Variants in CDC27 observed in about 807,000 individuals in gnomAD.
CDC27 encodes cell division cycle protein 27 homolog.
Under a neutral mutation model 109.7 loss-of-function variants are expected in CDC27, and 27 were observed. The ratio of observed to expected loss-of-function variants is 0.25; its 90% CI spans 0.18 to 0.34. The LOEUF (loss-of-function observed/expected upper bound fraction) is 0.34. Ranked by LOEUF, CDC27 falls within the 10% of genes least tolerant of loss-of-function variation. The probability of loss-of-function intolerance (pLI) is 1.00; values close to 1 mark genes in which losing one functional copy is unlikely to be tolerated. For missense variants in CDC27, 579 were observed against 960.2 expected (o/e 0.60, Z 5.25); for synonymous variants, 266 against 333.9 (o/e 0.80, Z 2.22).
At position 47,121,018 on chromosome 17, in the gene CDC27, C is replaced by G; in HGVS notation, c.2393-1G>C. On this transcript the variant is annotated splice_acceptor_variant, in intron 18 of 18. Coordinates refer to ENST00000066544, the MANE Select transcript of CDC27 (RefSeq NM_001256.6). LOFTEE classifies it high-confidence loss of function. ...CTCTCCTGGGATTCATCTGTTCCCA[C>G]TTTAAAAATAAAACAGAAGTCCACA... 6.2e-7 allele frequency: 1 copy of G among 1,605,148 alleles called. No homozygotes were observed. The highest frequency in any genetic ancestry group is 8.5e-7 in the Non-Finnish European group (1 of 1,173,372).
intron 18 of CDC27, among the ~76,000 whole-genome samples, chr17:47,121,356 T>C (rs1218246723): frequency 6.6e-6 from 1 of 151,754 alleles, no homozygotes; most frequent in Non-Finnish European, 1.5e-5. Context: ...AATCACTGAC[T>C]CCACTTTAAG....
intron 7 of CDC27, among the ~76,000 whole-genome samples, chr17:47,155,250 G>A (rs1030965649): frequency 1.3e-5 from 2 of 152,124 alleles, no homozygotes; most frequent in South Asian, 2.1e-4. Flanking sequence ...TAGCATATAT[G>A]TATATATTTT....
intron 16 of CDC27, among the ~76,000 whole-genome samples, chr17:47,127,766 G>A (rs888566315): frequency 1.4e-4 from 21 of 151,608 alleles, no homozygotes; most frequent in Admixed American, 7.9e-4. Flanking sequence ...GCAGTGGCGC[G>A]AAAACAGCTC....
At chr17:47,165,052 G>C (rs1001010922) in intron 4 of CDC27, among the ~76,000 whole-genome samples, 1 of 152,078 alleles carries the variant, frequency 6.6e-6, no homozygotes, top group Non-Finnish European at 1.5e-5. Context: ...AATTCTGTCA[G>C]ATTAATGTTA....
intron 16 of CDC27, among the ~76,000 whole-genome samples, chr17:47,127,793 C>T (rs1024062691): frequency 3.3e-5 from 5 of 151,960 alleles, no homozygotes; most frequent in Non-Finnish European, 7.4e-5. Flanking sequence ...ACCTCCGCCT[C>T]CTGAGCTCAA....
intron 10 of CDC27, among the ~76,000 whole-genome samples, 158 bp downstream of exon 10, chr17:47,143,725 T>C (rs1483226691): frequency 6.6e-6 from 1 of 152,170 alleles, no homozygotes; most frequent in Non-Finnish European, 1.5e-5. Context: ...AAAGGACTAA[T>C]TAACTTCACA....
intron 4 of CDC27, among the ~76,000 whole-genome samples, chr17:47,164,265 T>C (rs1009811865): frequency 6.6e-6 from 1 of 152,260 alleles, no homozygotes. Flanking sequence ...ATGCACTTTA[T>C]GATGTTCACA....
intron 16 of CDC27, among the ~76,000 whole-genome samples, chr17:47,125,496 T>C (rs1293750385): frequency 1.3e-5 from 2 of 151,848 alleles, no homozygotes; most frequent in African/African-American, 4.8e-5. Flanking sequence ...TCCTCTCACC[T>C]TGGCCTCCCA....
At position 47,151,720 on chromosome 17, in the gene CDC27, C is replaced by T. The variant is rs148566591; in HGVS notation, c.1070+86G>A. On this transcript the variant is annotated intron_variant, in intron 9 of 18. Coordinates refer to ENST00000066544, the MANE Select transcript of CDC27 (RefSeq NM_001256.6). ...TTTACAGTAGTTATTCTAGAATCCACGAGAGTCACTATCTGCCTAAATTAA... is the reference window on the plus strand; with the variant it reads ...TTTACAGTAGTTATTCTAGAATCCATGAGAGTCACTATCTGCCTAAATTAA... The T allele has an allele frequency of 2.4e-4, 249 of 1,026,630 alleles. 2 individuals carry two copies. The East Asian group carries it at 6.2e-3, about 26-fold the overall frequency. 63.6% of individuals were successfully genotyped at this position (1,026,630 alleles called of 1,614,324 possible). A position where few individuals can be genotyped will look rare whatever the true frequency, so the allele number is the denominator to read the frequency against.
chr17:47,124,210 C>CACACACACACACACA (rs1555780231), intron 16 of CDC27, among the ~76,000 whole-genome samples: 1 of 149,326 alleles, frequency 6.7e-6, no homozygotes, highest in African/African-American at 2.5e-5. Flanking sequence ...CACACACACA[C>CACACACACACACACA]CCCTCTTCGT....
rs1013999671 is a variant in CDC27, at chr17:47,159,667, G to A, written c.378-1364C>T. On this transcript the variant is annotated intron_variant, in intron 4 of 18. Transcript: ENST00000066544. ...TGGAGCATTTAACACCCAGACCGAC[G>A]TGGCCATTGTAGTCCTCGATGGCAA... The A allele has an allele frequency of 1.6e-5, 7 of 439,168 alleles. No homozygotes were observed. The Admixed American group carries it at 1.7e-4, about 11-fold the overall frequency. The allele number at this position is 439,168 out of a possible 1,614,324, so 27.2% of individuals were successfully genotyped here. A position where few individuals can be genotyped will look rare whatever the true frequency, so the allele number is the denominator to read the frequency against.
At chr17:47,134,128 G>A (rs1048472331) in intron 14 of CDC27, among the ~76,000 whole-genome samples, 2 of 151,852 alleles carry the variant, frequency 1.3e-5, no homozygotes, top group African/African-American at 2.4e-5. Flanking sequence ...CAAACTCTTA[G>A]CCTCAAACAA....
At chr17:47,147,815 C>A (rs187272126) in intron 9 of CDC27, among the ~76,000 whole-genome samples, 1 of 150,952 alleles carries the variant, frequency 6.6e-6, no homozygotes, top group Non-Finnish European at 1.5e-5. Context: ...GCAAGAGAAT[C>A]GCTTGAGCCA....
intron 9 of CDC27, among the ~76,000 whole-genome samples, chr17:47,151,314 A>C (rs1304383865): frequency 6.6e-6 from 1 of 152,252 alleles, no homozygotes; most frequent in African/African-American, 2.4e-5. Flanking sequence ...ACATGTTCAC[A>C]GTTTTAGAAA....
chr17:47,167,149 C>G (rs1036022764), intron 4 of CDC27, among the ~76,000 whole-genome samples: 1 of 152,226 alleles, frequency 6.6e-6, no homozygotes, highest in Non-Finnish European at 1.5e-5. Flanking sequence ...GCCACTGTGC[C>G]CAGACCCATT....
intron 2 of CDC27, among the ~76,000 whole-genome samples, chr17:47,179,073 T>TATAAGAGAGA (rs1218720265): frequency 1.3e-5 from 2 of 152,144 alleles, no homozygotes; most frequent in Non-Finnish European, 2.9e-5. Flanking sequence ...GATTCTCTCT[T>TATAAGAGAGA]ATATCATTCT....
At chr17:47,122,708 C>T in intron 17 of CDC27, 108 bp from the exon 18 acceptor site, 1 of 790,554 alleles carries the variant, frequency 1.3e-6, no homozygotes. Flanking sequence ...GAGTCTCACT[C>T]TATTACCCAG....
At chr17:47,140,952 A>G (rs1225862869) in intron 12 of CDC27, among the ~76,000 whole-genome samples, 1 of 152,168 alleles carries the variant, frequency 6.6e-6, no homozygotes, top group Non-Finnish European at 1.5e-5. Flanking sequence ...CAAAAACACC[A>G]TACTTCATTG....
chr17:47,174,212 A>AT, intron 2 of CDC27, among the ~76,000 whole-genome samples: 1 of 152,378 alleles, frequency 6.6e-6, no homozygotes, highest in South Asian at 2.1e-4. Flanking sequence ...GCAGAAAAAG[A>AT]TAACAGTACC....
Sources: gnomAD v4.1 joint callset for allele counts (sites outside exome capture counted in the v4.1 genomes callset) on GRCh38, gnomAD v4.1.1 for gene constraint, MANE v1.5 for transcripts, NCBI Gene and HGNC (gene_info 2026-07-23, HGNC 2026-07-21) for gene names.